Variants in CUL3 observed in about 807,000 individuals in gnomAD.
The protein encoded by CUL3 is cullin 3, also known as cullin-3.
CUL3 carries 19 observed loss-of-function variants against 89.1 expected under a neutral mutation model. The observed-to-expected ratio is 0.21, with a 90% CI of 0.15 to 0.31. The LOEUF is 0.31. CUL3 is among the 10% of genes least tolerant of loss of function. The pLI is 1.00. For missense variants in CUL3, 469 were observed against 942.3 expected, an observed-to-expected ratio of 0.50 and a Z score of 6.58; for synonymous variants, 351 against 308.4, an observed-to-expected ratio of 1.14 and a Z score of -1.45.
intron 10 of CUL3, among the ~76,000 whole-genome samples, chr2:224,500,899 T>C (rs949166056): frequency 2.0e-5 from 3 of 152,122 alleles, no homozygotes; most frequent in African/African-American, 4.8e-5. Context: ...GCTGGGACTA[T>C]AGGCGTGAGA....
chr2:224,569,745 T>A, intron 1 of CUL3: 1 of 1,217,118 alleles, frequency 8.2e-7, no homozygotes, highest in Non-Finnish European at 1.1e-6. Context: ...AAATTAAAAC[T>A]AAATGAAAAG....
chr2:224,514,882 GGT>G, intron 3 of CUL3, 110 bp from the exon 4 acceptor site: 1 of 741,322 alleles, frequency 1.3e-6, no homozygotes, highest in Non-Finnish European at 2.1e-6. Flanking sequence ...TCATTTTTCA[GGT>G]GAGAAACACT....
rs1265344287 is a variant in CUL3, at chr2:224,485,234, T to C, written c.1843-3156A>G. The C allele has an allele frequency of 3.9e-5, 6 of 152,308 alleles. No homozygotes were observed. Among genetic ancestry groups the C allele is most frequent in the Admixed American group, 2.6e-4 (4 of 15,274 alleles). 9.4% of individuals were successfully genotyped at this position (152,308 alleles called of 1,614,324 possible). ...ACTTAGCTGTAGGAGTTTTTTTTCA[T>C]ATCCCAGTGGCAGCCGGAACCCCAG... On this transcript the variant is annotated intron_variant, in intron 13 of 15. Transcript: ENST00000264414. The surrounding 1 kb of genome is among the most constrained non-coding windows in gnomAD (Gnocchi z 4.1).
intron 8 of CUL3, 86 bp from the exon 9 acceptor site, chr2:224,503,908 T>C (rs527248898): frequency 4.8e-6 from 5 of 1,037,794 alleles, no homozygotes; most frequent in Admixed American, 3.5e-5. Flanking sequence ...AAAAACACTA[T>C]TGTTTGAAAA....
chr2:224,522,788 A>G (rs1220021801), intron 3 of CUL3, among the ~76,000 whole-genome samples: 1 of 151,604 alleles, frequency 6.6e-6, no homozygotes, highest in Non-Finnish European at 1.5e-5. Context: ...AGATCCTGCC[A>G]CTGCACTCCA....
chr2:224,474,674 C>G (rs1325209035), intron 15 of CUL3, among the ~76,000 whole-genome samples: 1 of 152,162 alleles, frequency 6.6e-6, no homozygotes, highest in Non-Finnish European at 1.5e-5. Flanking sequence ...ATGCTGTTAT[C>G]TACTGAATTC....
chr2:224,476,081 T>C (rs769813822), intron 15 of CUL3, among the ~76,000 whole-genome samples: 14 of 151,980 alleles, frequency 9.2e-5, no homozygotes, highest in Non-Finnish European at 1.6e-4. Flanking sequence ...TGGAGTACAA[T>C]GGCACGATCT....
At chr2:224,544,068 G>A (rs1694211363) in intron 2 of CUL3, among the ~76,000 whole-genome samples, 1 of 152,092 alleles carries the variant, frequency 6.6e-6, no homozygotes, top group Admixed American at 6.6e-5. Context: ...ACTGCCCAGG[G>A]AAGTCACTAA....
At chr2:224,503,947 A>G in intron 8 of CUL3, 125 bp from the exon 9 acceptor site, 2 of 690,076 alleles carry the variant, frequency 2.9e-6, no homozygotes, top group Non-Finnish European at 4.5e-6. Flanking sequence ...ATACATCAAA[A>G]AAAGGGATAC....
intron 1 of CUL3, among the ~76,000 whole-genome samples, chr2:224,580,324 T>C (rs1467785198): frequency 3.9e-5 from 6 of 152,238 alleles, no homozygotes; most frequent in African/African-American, 1.4e-4. Context: ...TATTTAAAAA[T>C]GCAAATTGTG....
intron 10 of CUL3, among the ~76,000 whole-genome samples, chr2:224,501,432 T>A (rs1342918138): frequency 6.6e-6 from 1 of 152,214 alleles, no homozygotes; most frequent in Non-Finnish European, 1.5e-5. Flanking sequence ...AATTTTTAAG[T>A]AAACAACAAT....
chr2:224,518,017 A>G (rs147246140), intron 3 of CUL3, among the ~76,000 whole-genome samples: 1 of 152,328 alleles, frequency 6.6e-6, no homozygotes, highest in Non-Finnish European at 1.5e-5. Flanking sequence ...AAAATACAAC[A>G]GAACTTCAAT....
At chr2:224,534,374 G>A (rs1226923663) in intron 3 of CUL3, among the ~76,000 whole-genome samples, 1 of 152,144 alleles carries the variant, frequency 6.6e-6, no homozygotes, top group Non-Finnish European at 1.5e-5. Context: ...AAGACTAGCT[G>A]CAATATTGCA....
intron 2 of CUL3, among the ~76,000 whole-genome samples, chr2:224,549,417 A>C (rs554431881): frequency 6.6e-6 from 1 of 152,320 alleles, no homozygotes; most frequent in Non-Finnish European, 1.5e-5. Flanking sequence ...CCTAAGTCTT[A>C]ATAACCTAAA....
At chr2:224,563,406 G>A (rs1382818747) in intron 1 of CUL3, 1 of 351,622 alleles carries the variant, frequency 2.8e-6, no homozygotes, top group African/African-American at 2.2e-5. Flanking sequence ...GGATTCCAGA[G>A]GTTCCTAAAA....
At position 224,503,076 on chromosome 2, in the gene CUL3, T is replaced by C; in HGVS notation, c.1378-4A>G. 2 of 1,587,186 alleles carry C rather than the reference T, an allele frequency of 1.3e-6. No homozygotes were observed. Among genetic ancestry groups the C allele is most frequent in the Non-Finnish European group, 1.7e-6 (2 of 1,156,326 alleles). The stretch of plus-strand genomic sequence containing the variant: ...TGAACTGACATCCACATTCAGTCTG[T>C]GGAGGAAAAACACAAATATACACAA... On this transcript the variant is annotated splice_region_variant and splice_polypyrimidine_tract_variant and intron_variant, in intron 9 of 15. Transcript: ENST00000264414.
In CUL3 at chr2:224,484,649, G is replaced by T. The variant is rs988873338; in HGVS notation, c.1843-2571C>A. 5.3e-5 allele frequency among the ~76,000 whole-genome samples: 8 copies of T among 152,020 alleles called. No homozygotes were observed. In the South Asian group the frequency reaches 1.0e-3, roughly 20 times the overall value. On this transcript the variant is annotated intron_variant, in intron 13 of 15. Coordinates refer to ENST00000264414, the MANE Select transcript of CUL3 (RefSeq NM_003590.5). ...TTAAAAAGACATTTCTCACATTAAG[G>T]TTACCAAAATATTCAACATTTTCTT...
rs1691193427 is a variant in CUL3, at chr2:224,473,243, GAAAATT to G, written c.*996_*1001del. The G allele has an allele frequency of 5.2e-6, 1 of 190,656 alleles. No homozygotes were observed. The highest frequency in any genetic ancestry group is 2.3e-5 in the African/African-American group (1 of 42,966). 11.8% of individuals were successfully genotyped at this position (190,656 alleles called of 1,614,324 possible). On this transcript the variant is annotated 3_prime_UTR_variant, in exon 16 of 16. Coordinates refer to ENST00000264414, the MANE Select transcript of CUL3 (RefSeq NM_003590.5). ...CATCTTTAGATTGCATTTTGAAACA[GAAAATT>G]AATAGTGCACCACAGCTTCACCAAA...
At chr2:224,579,686 ACT>A (rs1695390395) in intron 1 of CUL3, among the ~76,000 whole-genome samples, 1 of 151,988 alleles carries the variant, frequency 6.6e-6, no homozygotes, top group Non-Finnish European at 1.5e-5. Context: ...TTATCATAAC[ACT>A]CTTTCTCCTG....
Sources: gnomAD v4.1 joint callset for allele counts (sites outside exome capture counted in the v4.1 genomes callset) on GRCh38, gnomAD v4.1.1 for gene constraint, Gnocchi (gnomAD v3.1) non-coding constraint, MANE v1.5 for transcripts, NCBI Gene and HGNC (gene_info 2026-07-23, HGNC 2026-07-21) for gene names.